SLC17A2: variants seen among roughly 807,000 people sequenced by gnomAD.
The protein encoded by SLC17A2 is solute carrier family 17 member 2.
In SLC17A2, 38 loss-of-function variants were observed where a neutral mutation model predicts 52.1. The ratio of observed to expected loss-of-function variants is 0.73; its 90% CI spans 0.56 to 0.96. The LOEUF (loss-of-function observed/expected upper bound fraction) is 0.96. SLC17A2 is among the 40% of genes least tolerant of loss of function. SLC17A2 has a pLI of 0.00. For missense variants in SLC17A2, 508 were observed against 583.9 expected, an observed-to-expected ratio of 0.87 and a Z score of 1.34; for synonymous variants, 226 against 211.9, an observed-to-expected ratio of 1.07 and a Z score of -0.58.
intron 8 of SLC17A2, among the ~76,000 whole-genome samples, 187 bp from the exon 9 acceptor site, chr6:25,916,055 G>T (rs1766301640): frequency 1.3e-5 from 2 of 152,040 alleles, no homozygotes; most frequent in South Asian, 4.1e-4. Context: ...ATCACTCTGG[G>T]CTCCAGATAA....
In SLC17A2 at chr6:25,912,959, T is replaced by C. The variant is rs1048884405; in HGVS notation, c.*358A>G. On this transcript the variant is annotated 3_prime_UTR_variant, in exon 12 of 12. Coordinates refer to ENST00000377850, the MANE Select transcript of SLC17A2 (RefSeq NM_001286123.3). ...ACCTGCCCCACCATGAAGATATTTA[T>C]CAGTGATCATTTTCACATGAATTTT... 1 of 187,036 alleles carries C rather than the reference T, an allele frequency of 5.3e-6. No homozygotes were observed. The highest frequency in any genetic ancestry group is 2.3e-5 in the African/African-American group (1 of 42,704). 11.6% of individuals were successfully genotyped at this position (187,036 alleles called of 1,614,324 possible).
Position 25,921,074 on chromosome 6 carries a change from T to C in SLC17A2, c.494A>G (p.Gln165Arg). The change falls in exon 5 of 12, where the codon CAG (glutamine) becomes CGG (arginine). Residue 165 changes from glutamine to arginine, a missense_variant. Physicochemically the swap from Gln to Arg is conservative, Grantham distance 43. Coordinates refer to ENST00000377850, the MANE Select transcript of SLC17A2 (RefSeq NM_001286123.3). ...GMAQGMAWTG[Q>R]FTIWAKWAPP... ...AGCCCACTTTGCCCAAATAGTAAAC[T>C]GACCTGTCCATGCCATTCCCTGAAA... 1.2e-6 allele frequency: 2 copies of C among 1,614,206 alleles called. No homozygotes were observed. Among genetic ancestry groups the C allele is most frequent in the South Asian group, 2.2e-5 (2 of 91,084 alleles).
chr6:25,918,774 C>A (rs1766425534), intron 5 of SLC17A2, among the ~76,000 whole-genome samples: 1 of 152,222 alleles, frequency 6.6e-6, no homozygotes, highest in Non-Finnish European at 1.5e-5. Context: ...GTAACACACT[C>A]TCTGATTCTT....
chr6:25,920,995 T>A lies in SLC17A2; in HGVS notation c.562+11A>T, dbSNP rs1459461152. ...AGATGACAAAGCTATGACCCATCTGTGCACACTTACCTGATCCTGCAATGG... is the reference window on the plus strand; with the variant it reads ...AGATGACAAAGCTATGACCCATCTGAGCACACTTACCTGATCCTGCAATGG... On this transcript the variant is annotated intron_variant, in intron 5 of 11. Transcript: ENST00000377850. The A allele has an allele frequency of 1.2e-6, 2 of 1,613,326 alleles. No individual in the cohort carries two copies. The highest frequency in any genetic ancestry group is 1.7e-6 in the Non-Finnish European group (2 of 1,179,342).
At position 25,921,112 on chromosome 6, in the gene SLC17A2, A is replaced by T. The variant is rs756337219; in HGVS notation, c.475-19T>A. On this transcript the variant is annotated intron_variant, in intron 4 of 11. Coordinates refer to ENST00000377850, the MANE Select transcript of SLC17A2 (RefSeq NM_001286123.3). ...CCATTCCCTGAAATGAAAATCATTAAGACCTTTGATATTTTGTAGAATTCA... is the reference window on the plus strand; with the variant it reads ...CCATTCCCTGAAATGAAAATCATTATGACCTTTGATATTTTGTAGAATTCA... The T allele has an allele frequency of 6.2e-7, 1 of 1,613,988 alleles. No individual in the cohort carries two copies. The highest frequency in any genetic ancestry group is 1.1e-5 in the South Asian group (1 of 91,078).
intron 6 of SLC17A2, among the ~76,000 whole-genome samples, chr6:25,917,440 A>C (rs1368319979): frequency 6.6e-6 from 1 of 152,256 alleles, no homozygotes; most frequent in Non-Finnish European, 1.5e-5. Context: ...CTTGTTGCGG[A>C]AGATCTGAAT....
chr6:25,923,863 C>T lies in SLC17A2; in HGVS notation c.72G>A (p.Met24Ile). ...TTATCATGGTGAAGTTTGAGAAGTG[C>T]ATGATAAGAGCCAGCCCATAGCGTA... is the stretch of plus-strand genomic sequence containing the variant. ...CSLRYGLALI[M>I]HFSNFTMITQ... is the part of the protein sequence containing the mutation. Residue 24 changes from methionine (M) to isoleucine (I), a missense_variant, in exon 3 of 12, where the codon ATG becomes ATA. By Grantham distance (10) the Met-to-Ile change is conservative (BLOSUM62 1). Transcript: ENST00000377850. 2 of 1,614,146 alleles carry T rather than the reference C, an allele frequency of 1.2e-6. No individual in the cohort carries two copies. The highest frequency in any genetic ancestry group is 1.7e-6 in the Non-Finnish European group (2 of 1,180,020).
chr6:25,922,713 T>C (rs892523574), intron 3 of SLC17A2, among the ~76,000 whole-genome samples: 3 of 152,152 alleles, frequency 2.0e-5, no homozygotes, highest in African/African-American at 7.2e-5. Context: ...TACAAGATAA[T>C]TTAAAGGATA....
chr6:25,915,174 T>TAC (rs1766258825), intron 10 of SLC17A2, among the ~76,000 whole-genome samples: 1 of 134,402 alleles, frequency 7.4e-6, no homozygotes, highest in African/African-American at 2.9e-5. Flanking sequence ...TATATATATA[T>TAC]ATATGGTAGC....
At chr6:25,920,727 A>G (rs184490745) in intron 5 of SLC17A2, among the ~76,000 whole-genome samples, 21 of 152,266 alleles carry the variant, frequency 1.4e-4, no homozygotes, top group African/African-American at 4.3e-4. Flanking sequence ...TTAAAGGTTT[A>G]AACTTTTTCC....
intron 1 of SLC17A2, among the ~76,000 whole-genome samples, chr6:25,928,295 G>C (rs1242238887): frequency 1.3e-5 from 2 of 151,888 alleles, no homozygotes; most frequent in African/African-American, 4.8e-5. Context: ...CCATTTTGAG[G>C]TATTATAAAG....
chr6:25,924,380 G>T (rs890951834), intron 2 of SLC17A2, among the ~76,000 whole-genome samples: 1 of 152,072 alleles, frequency 6.6e-6, no homozygotes, highest in Non-Finnish European at 1.5e-5. Flanking sequence ...CACATCCAAG[G>T]ATTCTCTTTT....
At chr6:25,926,789 G>C (rs1048622177) in intron 1 of SLC17A2, among the ~76,000 whole-genome samples, 1 of 152,070 alleles carries the variant, frequency 6.6e-6, no homozygotes, top group Non-Finnish European at 1.5e-5. Flanking sequence ...TGTATCGGCC[G>C]GGTGCAGTGG....
In SLC17A2 at chr6:25,921,365, G is replaced by C; in HGVS notation, c.288C>G (p.Ser96Arg). 2 of 1,614,118 alleles carry C rather than the reference G, an allele frequency of 1.2e-6. No individual in the cohort carries two copies. The highest frequency in any genetic ancestry group is 1.7e-6 in the Non-Finnish European group (2 of 1,179,980). The change falls in exon 4 of 12, where the codon AGC (serine) becomes AGG (arginine). Residue 96 changes from serine (S) to arginine (R), a missense_variant. Physicochemically the swap from Ser to Arg is moderately radical, Grantham distance 110. Transcript: ENST00000377850. ...WSPETQGIIF[S>R]SINYGIILTL... ...TCAGTATTATCCCATAGTTGATGGAGCTAAAGATGATACCCTGAGTTTCTG... is the reference window on the plus strand; with the variant it reads ...TCAGTATTATCCCATAGTTGATGGACCTAAAGATGATACCCTGAGTTTCTG...
intron 10 of SLC17A2, 130 bp downstream of exon 10, chr6:25,915,369 A>T: frequency 1.2e-6 from 1 of 816,444 alleles, no homozygotes; most frequent in South Asian, 2.1e-5. Context: ...CCACAGACAG[A>T]TATTTGTAGT....
chr6:25,913,780 T>TG (rs71544286), intron 11 of SLC17A2, among the ~76,000 whole-genome samples: 8 of 149,596 alleles, frequency 5.3e-5, no homozygotes, highest in African/African-American at 2.0e-4. Flanking sequence ...TCTGTTTTTT[T>TG]TTGTTGTTGT....
At chr6:25,916,590 T>C (rs1766325561) in intron 8 of SLC17A2, 95 bp downstream of exon 8, 1 of 1,001,962 alleles carries the variant, frequency 1.0e-6, no homozygotes, top group Non-Finnish European at 1.5e-6. Context: ...GTTAAATTAA[T>C]GGTTATATGT....
In SLC17A2 at chr6:25,913,266, G is replaced by A. The variant is rs369296456; in HGVS notation, c.*51C>T. ...AGGAATATGGAGAGAAGTAAAAAAT[G>A]TTTAAAAAGTTCATGCTCAGTACCA... On this transcript the variant is annotated 3_prime_UTR_variant, in exon 12 of 12. Transcript: ENST00000377850. 2 of 1,602,284 alleles carry A rather than the reference G, an allele frequency of 1.2e-6. No individual in the cohort carries two copies. Among genetic ancestry groups the A allele is most frequent in the African/African-American group, 1.3e-5 (1 of 74,786 alleles).
At chr6:25,920,923 C>A (rs1005566542) in intron 5 of SLC17A2, 83 bp downstream of exon 5, 4 of 1,322,072 alleles carry the variant, frequency 3.0e-6, no homozygotes, top group Non-Finnish European at 4.3e-6. Context: ...TCTCTCTCTT[C>A]CCCAAACCAT....
Sources: allele counts gnomAD v4.1 joint callset (sites outside exome capture counted in the v4.1 genomes callset), GRCh38; gene constraint gnomAD v4.1.1; transcripts MANE v1.5; gene names NCBI Gene and HGNC (gene_info 2026-07-23, HGNC 2026-07-21).